The following CYP2R1 variants were observed in gnomAD, a reference collection of about 807,000 sequenced individuals.
CYP2R1 encodes vitamin D 25-hydroxylase.
In CYP2R1, 40 loss-of-function variants were observed where a neutral mutation model predicts 45.7. The ratio of observed to expected loss-of-function variants is 0.87; its 90% CI spans 0.68 to 1.14. The LOEUF (loss-of-function observed/expected upper bound fraction) is 1.14. CYP2R1 is among the 50% of genes most tolerant of loss of function. The pLI is 0.00. For synonymous variants in CYP2R1, 234 were observed against 219.3 expected, an observed-to-expected ratio of 1.07 and a Z score of -0.59; for missense variants, 605 against 602.6, an observed-to-expected ratio of 1.00 and a Z score of -0.04.
intron 2 of CYP2R1, among the ~76,000 whole-genome samples, chr11:14,884,356 AAAT>A (rs1848520871): frequency 6.6e-6 from 1 of 152,070 alleles, no homozygotes; most frequent in Non-Finnish European, 1.5e-5. Flanking sequence ...CAGCCATAAA[AAAT>A]AATGAGTTCA....
At chr11:14,885,587 T>C (rs1351384379) in intron 2 of CYP2R1, among the ~76,000 whole-genome samples, 189 bp downstream of exon 2, 1 of 152,192 alleles carries the variant, frequency 6.6e-6, no homozygotes, top group African/African-American at 2.4e-5. Flanking sequence ...CACAATAGAA[T>C]TAGCAATGTA....
chr11:14,890,849 C>T (rs557892101), intron 1 of CYP2R1: 2 of 985,212 alleles, frequency 2.0e-6, no homozygotes, highest in Middle Eastern at 5.2e-4. Context: ...CGCCCGGGCA[C>T]CTAGACCAAT....
At chr11:14,889,153 A>G (rs1445909351) in intron 1 of CYP2R1, among the ~76,000 whole-genome samples, 1 of 144,820 alleles carries the variant, frequency 6.9e-6, no homozygotes, top group Non-Finnish European at 1.5e-5. Context: ...AAGCAATTTT[A>G]AAGTCCAGTT....
intron 1 of CYP2R1, 53 bp downstream of exon 1, chr11:14,891,928 C>T (rs1362335252): frequency 6.3e-7 from 1 of 1,582,812 alleles, no homozygotes; most frequent in South Asian, 1.1e-5. Context: ...AGGCCCTGGC[C>T]AGCCCGGGCC....
chr11:14,883,605 A>G (rs1265562511), intron 2 of CYP2R1, among the ~76,000 whole-genome samples: 2 of 152,142 alleles, frequency 1.3e-5, no homozygotes, highest in South Asian at 2.1e-4. Flanking sequence ...AGGCATTACC[A>G]TTCAGGAGAT....
intron 2 of CYP2R1, among the ~76,000 whole-genome samples, chr11:14,884,646 A>G (rs1555013730): frequency 2.0e-5 from 3 of 152,090 alleles, no homozygotes; most frequent in Middle Eastern, 3.4e-3. Flanking sequence ...CTAACCTGCA[A>G]ATTGTGCACC....
intron 1 of CYP2R1, chr11:14,890,417 A>G: frequency 1.0e-6 from 1 of 966,330 alleles, no homozygotes; most frequent in Non-Finnish European, 1.2e-6. Context: ...AATAAGATCT[A>G]AGAATTATAC....
chr11:14,888,919 C>T (rs915464693), intron 1 of CYP2R1, among the ~76,000 whole-genome samples: 1 of 152,166 alleles, frequency 6.6e-6, no homozygotes, highest in Non-Finnish European at 1.5e-5. Flanking sequence ...CAGGGAATGC[C>T]TCTTGAAATC....
intron 2 of CYP2R1, among the ~76,000 whole-genome samples, chr11:14,881,844 T>C (rs1334662515): frequency 6.6e-6 from 1 of 151,758 alleles, no homozygotes; most frequent in African/African-American, 2.4e-5. Context: ...TGCAGAACCA[T>C]GAGCCAATTA....
chr11:14,890,808 A>C (rs554082738), intron 1 of CYP2R1: 1 of 951,114 alleles, frequency 1.1e-6, no homozygotes, highest in African/African-American at 1.8e-5. Context: ...TCGGCCTCCT[A>C]AAGTGCTGGG....
intron 4 of CYP2R1, among the ~76,000 whole-genome samples, chr11:14,878,715 A>C (rs1331910934): frequency 6.6e-6 from 1 of 152,136 alleles, no homozygotes; most frequent in Non-Finnish European, 1.5e-5. Context: ...TTCACAGAAG[A>C]AGCAATATTT....
At chr11:14,888,977 T>C (rs1467455891) in intron 1 of CYP2R1, among the ~76,000 whole-genome samples, 7 of 152,272 alleles carry the variant, frequency 4.6e-5, no homozygotes, top group African/African-American at 1.7e-4. Context: ...TCAGAATCAA[T>C]CTCCAAGGAA....
Position 14,878,169 on chromosome 11 carries a change from T to C in CYP2R1, c.1459A>G (p.Met487Val), listed in dbSNP as rs1555010292. The C allele has an allele frequency of 1.2e-6, 2 of 1,613,222 alleles. No homozygotes were observed. The highest frequency in any genetic ancestry group is 3.3e-5 in the Admixed American group (2 of 59,878). The change falls in exon 5 of 5, where the codon ATG (methionine) becomes GTG (valine). Residue 487 changes from methionine to valine, a missense_variant. Transcript: ENST00000334636. ...AGGTAGGGTTGGGGCTGCAATGTCA[T>C]GCCTAACCTGGGCTTCAGATCTGGA... Reference protein sequence around the residue: ...LVPDLKPRLGMTLQPQPYLIC... With the variant: ...LVPDLKPRLGVTLQPQPYLIC...
intron 1 of CYP2R1, 91 bp downstream of exon 1, chr11:14,891,890 C>T (rs1590237430): frequency 6.7e-7 from 1 of 1,497,900 alleles, no homozygotes; most frequent in Non-Finnish European, 9.0e-7. Flanking sequence ...ACTAGTCGGC[C>T]CAGGGGCGGC....
chr11:14,878,226 T>C lies in CYP2R1; in HGVS notation c.1402A>G (p.Arg468Gly). ...TCATGTGGAAAATGCAAATGAAACCTCTGAAGCAATGCTGTAAAAAACAAG... is the reference window on the plus strand; with the variant it reads ...TCATGTGGAAAATGCAAATGAAACCCCTGAAGCAATGCTGTAAAAAACAAG... ...MFLFFTALLQ[R>G]FHLHFPHELV... Residue 468 changes from arginine (R) to glycine (G), a missense_variant, in exon 5 of 5, where the codon AGG becomes GGG. Arg to Gly is a moderately radical substitution (Grantham distance 125). Transcript: ENST00000334636. The C allele has an allele frequency of 6.2e-7, 1 of 1,613,194 alleles. No individual in the cohort carries two copies. The highest frequency in any genetic ancestry group is 8.5e-7 in the Non-Finnish European group (1 of 1,179,488).
chr11:14,880,857 G>T lies in CYP2R1; in HGVS notation c.368-89C>A, dbSNP rs527270811. 40 of 1,242,992 alleles carry T rather than the reference G, an allele frequency of 3.2e-5. No homozygotes were observed. The East Asian group carries it at 9.9e-4, about 31-fold the overall frequency. 77.0% of individuals were successfully genotyped at this position (1,242,992 alleles called of 1,614,324 possible). On this transcript the variant is annotated intron_variant, in intron 2 of 4. Coordinates refer to ENST00000334636, the MANE Select transcript of CYP2R1 (RefSeq NM_024514.5). ...ACAAAATTTTTTTAATGGATGGTTA[G>T]TCATCCTTCTCCAAATTGTCCTCCT...
chr11:14,892,040 C>T lies in CYP2R1; in HGVS notation c.166G>A (p.Ala56Thr). ...LPFIGNIYSL[A>T]ASSELPHVYM... The stretch of plus-strand genomic sequence containing the variant: ...ACATGGGGAAGCTCGGATGAGGCTG[C>T]CAGGGAATAGATGTTGCCGATAAAT... Residue 56 changes from alanine (A) to threonine (T), a missense_variant, in exon 1 of 5, where the codon GCA becomes ACA. Transcript: ENST00000334636. The T allele has an allele frequency of 6.2e-7, 1 of 1,613,216 alleles. No individual in the cohort carries two copies. The highest frequency in any genetic ancestry group is 8.5e-7 in the Non-Finnish European group (1 of 1,179,726).
chr11:14,879,436 A>C lies in CYP2R1; in HGVS notation c.1008T>G (p.Val336=), dbSNP rs1440822446. 1 of 1,600,892 alleles carries C rather than the reference A, an allele frequency of 6.2e-7. No homozygotes were observed. The highest frequency in any genetic ancestry group is 1.3e-5 in the African/African-American group (1 of 74,960). Residue 336 remains valine (V), a synonymous_variant, in exon 4 of 5, where the codon GTT becomes GTG. Transcript: ENST00000334636. ...MALYPNIQGQ[V]QKEIDLIMGP... is the part of the protein sequence containing the mutation. ...CCATAATTAAATCAATCTCTTTCTG[A>C]ACTTGTCCTGTCAGAGAAAAAGTAT...
chr11:14,892,365 C>A (rs1013154144), upstream of CYP2R1: 88 of 688,532 alleles, frequency 1.3e-4, no homozygotes, highest in Middle Eastern at 8.0e-4. Flanking sequence ...GGACAACTAC[C>A]TTCTAGTTTT....
Sources: allele counts gnomAD v4.1 joint callset (sites outside exome capture counted in the v4.1 genomes callset), GRCh38; gene constraint gnomAD v4.1.1; transcripts MANE v1.5; gene names NCBI Gene and HGNC (gene_info 2026-07-23, HGNC 2026-07-21).